BBS9: variants seen among roughly 807,000 people sequenced by gnomAD.
BBS9 encodes the protein Bardet-Biedl syndrome 9.
Under a neutral mutation model 117.7 loss-of-function variants are expected in BBS9, and 89 were observed. That is an observed-to-expected ratio of 0.76 (90% CI 0.64 to 0.90). The LOEUF is 0.90. Among genes scored for constraint, BBS9 ranks in the 40% least tolerant of loss-of-function variants. The pLI is 0.00. For synonymous variants in BBS9, 379 were observed against 370.9 expected, an observed-to-expected ratio of 1.02 and a Z score of -0.25; for missense variants, 982 against 1,042.2, an observed-to-expected ratio of 0.94 and a Z score of 0.80.
At chr7:33,305,380 T>C (rs1466047166) in intron 9 of BBS9, among the ~76,000 whole-genome samples, 1 of 152,172 alleles carries the variant, frequency 6.6e-6, no homozygotes, top group Admixed American at 6.5e-5. Flanking sequence ...TTTATTTTTT[T>C]GATGTACCTT....
chr7:33,137,393 C>T (rs1255624012), intron 1 of BBS9, among the ~76,000 whole-genome samples: 10 of 152,112 alleles, frequency 6.6e-5, no homozygotes, highest in African/African-American at 2.2e-4. Flanking sequence ...TGCCCAGGAG[C>T]GCAGGGCTCC....
intron 19 of BBS9, among the ~76,000 whole-genome samples, chr7:33,498,291 A>G (rs1413753129): frequency 6.6e-6 from 1 of 152,216 alleles, no homozygotes; most frequent in Admixed American, 6.5e-5. Context: ...TTTACCTTAC[A>G]GGAATTATAC....
intron 19 of BBS9, among the ~76,000 whole-genome samples, chr7:33,447,331 G>C (rs1214655308): frequency 6.6e-6 from 1 of 152,192 alleles, no homozygotes; most frequent in African/African-American, 2.4e-5. Flanking sequence ...CAAAGAAATA[G>C]ATGTCAGAGG....
At chr7:33,358,650 T>G (rs1032773941) in intron 16 of BBS9, among the ~76,000 whole-genome samples, 3 of 151,948 alleles carry the variant, frequency 2.0e-5, no homozygotes, top group Admixed American at 2.0e-4. Context: ...TCAAACATCC[T>G]TAGTAACCAA....
chr7:33,525,247 G>A (rs1585123295), intron 20 of BBS9, among the ~76,000 whole-genome samples: 1 of 148,208 alleles, frequency 6.7e-6, no homozygotes, highest in Non-Finnish European at 1.5e-5. Context: ...GGAGAGTTCT[G>A]TAGATGTCTA....
At chr7:33,368,577 T>TACACACACACACACACACACACAC (rs201655079) in intron 17 of BBS9, among the ~76,000 whole-genome samples, 12 of 128,396 alleles carry the variant, frequency 9.3e-5, no homozygotes, top group African/African-American at 3.3e-4. Context: ...GAGAAAAAAG[T>TACACACACACACACACACACACAC]ACACACACAC....
intron 7 of BBS9, 139 bp from the exon 8 acceptor site, chr7:33,272,873 G>T (rs966823817): frequency 1.4e-6 from 1 of 716,764 alleles, no homozygotes; most frequent in South Asian, 1.9e-5. Flanking sequence ...ATAAAAAAAA[G>T]AATAAAGAAA....
intron 21 of BBS9, among the ~76,000 whole-genome samples, chr7:33,553,428 T>A (rs1854774614): frequency 6.6e-6 from 1 of 152,202 alleles, no homozygotes; most frequent in Non-Finnish European, 1.5e-5. Flanking sequence ...GGCCTCATAT[T>A]TGTCTCACTT....
At chr7:33,367,733 G>C in intron 16 of BBS9, 34 bp from the exon 17 acceptor site, 1 of 1,592,688 alleles carries the variant, frequency 6.3e-7, no homozygotes, top group Non-Finnish European at 8.6e-7. Flanking sequence ...TTGCCTTCTG[G>C]TTACATAAGG....
chr7:33,542,311 C>G (rs1585188448), intron 21 of BBS9, among the ~76,000 whole-genome samples: 1 of 152,232 alleles, frequency 6.6e-6, no homozygotes, highest in East Asian at 1.9e-4. Flanking sequence ...TCTCGAACTC[C>G]TGACCTCGTG....
intron 21 of BBS9, among the ~76,000 whole-genome samples, chr7:33,572,117 C>T (rs913809494): frequency 3.3e-5 from 5 of 152,028 alleles, no homozygotes; most frequent in African/African-American, 9.7e-5. Context: ...CCTCTAGTAA[C>T]TGTCATTCTA....
chr7:33,176,884 C>G (rs985208429), intron 4 of BBS9, among the ~76,000 whole-genome samples: 1 of 152,128 alleles, frequency 6.6e-6, no homozygotes, highest in Admixed American at 6.5e-5. Flanking sequence ...GAAAGTGAAG[C>G]ACATGCAGTC....
chr7:33,260,345 C>G (rs761520691), intron 6 of BBS9, among the ~76,000 whole-genome samples: 8 of 152,104 alleles, frequency 5.3e-5, no homozygotes, highest in Non-Finnish European at 1.0e-4. Flanking sequence ...ATAATCCAGT[C>G]CCATTTTACC....
At chr7:33,150,958 G>A (rs1289437214) in intron 2 of BBS9, among the ~76,000 whole-genome samples, 2 of 152,148 alleles carry the variant, frequency 1.3e-5, no homozygotes, top group Non-Finnish European at 2.9e-5. Flanking sequence ...TCCCCACAAG[G>A]AATCTTACTG....
At chr7:33,407,893 C>T (rs902448036) in intron 19 of BBS9, among the ~76,000 whole-genome samples, 2 of 152,220 alleles carry the variant, frequency 1.3e-5, no homozygotes, top group African/African-American at 4.8e-5. Flanking sequence ...GGGTCAGGGA[C>T]CCACTAGAGG....
chr7:33,595,937 C>G (rs1338294811), intron 21 of BBS9, among the ~76,000 whole-genome samples: 5 of 151,924 alleles, frequency 3.3e-5, no homozygotes, highest in African/African-American at 9.7e-5. Context: ...AACCAAACAC[C>G]ACATGTTCTC....
At chr7:33,285,343 T>C (rs1379757185) in intron 9 of BBS9, among the ~76,000 whole-genome samples, 4 of 152,174 alleles carry the variant, frequency 2.6e-5, no homozygotes, top group East Asian at 3.8e-4. Context: ...GTTTAGGGCC[T>C]AATGAATCTG....
At chr7:33,140,038 T>G (rs1160051434) in intron 1 of BBS9, among the ~76,000 whole-genome samples, 3 of 152,084 alleles carry the variant, frequency 2.0e-5, no homozygotes, top group Non-Finnish European at 4.4e-5. Flanking sequence ...CTTTTTCTTT[T>G]TTTTGGAGAT....
chr7:33,200,912 A>G (rs750154102), intron 5 of BBS9, among the ~76,000 whole-genome samples: 4 of 152,154 alleles, frequency 2.6e-5, no homozygotes, highest in Non-Finnish European at 5.9e-5. Context: ...TTGGCTATCA[A>G]TTTCTATTTG....
Sources: allele counts gnomAD v4.1 joint callset (sites outside exome capture counted in the v4.1 genomes callset), GRCh38; gene constraint gnomAD v4.1.1; transcripts MANE v1.5; gene names NCBI Gene and HGNC (gene_info 2026-07-23, HGNC 2026-07-21).